SRPK1: variants seen among roughly 807,000 people sequenced by gnomAD.
SRPK1 encodes the protein SFRS protein kinase 1.
A neutral mutation model predicts 89.5 loss-of-function variants in SRPK1; 52 were observed. The observed-to-expected ratio is 0.58, with a 90% confidence interval of 0.46 to 0.73. SRPK1 has a LOEUF of 0.73. SRPK1 is among the 30% of genes least tolerant of loss of function. The pLI, the probability that SRPK1 is intolerant of heterozygous loss-of-function variation, is 0.00. For missense variants in SRPK1, 603 were observed against 780.6 expected (o/e 0.77, Z 2.71); for synonymous variants, 255 against 270.2 (o/e 0.94, Z 0.55).
intron 2 of SRPK1, among the ~76,000 whole-genome samples, chr6:35,891,839 T>C (rs942532632): frequency 1.3e-5 from 2 of 152,304 alleles, no homozygotes; most frequent in African/African-American, 2.4e-5. Flanking sequence ...ACTAAAAATA[T>C]AGTTGTTGAA....
chr6:35,842,713 C>T, intron 13 of SRPK1, 109 bp from the exon 14 acceptor site: 1 of 484,004 alleles, frequency 2.1e-6, no homozygotes, highest in Non-Finnish European at 3.4e-6. Flanking sequence ...CTTGGGAAAA[C>T]TTATAGATCA....
intron 2 of SRPK1, among the ~76,000 whole-genome samples, chr6:35,917,711 T>C (rs1771141801): frequency 6.6e-6 from 1 of 152,226 alleles, no homozygotes; most frequent in Non-Finnish European, 1.5e-5. Flanking sequence ...AAATCCCTTC[T>C]GCCTGTGACA....
intron 6 of SRPK1, among the ~76,000 whole-genome samples, chr6:35,875,745 T>C (rs1770142147): frequency 6.6e-6 from 1 of 151,994 alleles, no homozygotes; most frequent in African/African-American, 2.4e-5. Context: ...CTAAAACAAC[T>C]ATGTGAAAGA....
chr6:35,872,686 T>C lies in SRPK1; in HGVS notation c.628A>G (p.Ile210Val), dbSNP rs747320945. Residue 210 changes from isoleucine to valine, a missense_variant, in exon 8 of 16, where the codon ATC becomes GTC. By Grantham distance (29) the Ile-to-Val change is conservative. Transcript: ENST00000373825. ...TTCTCTGGTTTAATGTCAGTGTGGA[T>C]GATACGGCACTTGGTATGTAAATAA... Reference protein sequence around the residue: ...LDYLHTKCRIIHTDIKPENIL... With the variant: ...LDYLHTKCRIVHTDIKPENIL... 3.1e-6 allele frequency: 5 copies of C among 1,610,860 alleles called. No individual in the cohort carries two copies. Among genetic ancestry groups the C allele is most frequent in the Non-Finnish European group, 4.2e-6 (5 of 1,178,574 alleles).
intron 6 of SRPK1, among the ~76,000 whole-genome samples, chr6:35,878,579 A>G (rs1036490129): frequency 2.6e-5 from 4 of 152,258 alleles, no homozygotes; most frequent in Admixed American, 6.5e-5. Context: ...CCCTAATCCT[A>G]TAGCAAGCAG....
rs1003130285 is a variant in SRPK1 at position 35,890,818 on chromosome 6, C to A, written c.193+77G>T. ...AAACAGCAATAAAACTGTGTTTATG[C>A]TGATAGATCAAACATCCAAACGAGA... is the stretch of plus-strand genomic sequence containing the variant. On this transcript the variant is annotated intron_variant, in intron 3 of 15. Coordinates refer to ENST00000373825, the MANE Select transcript of SRPK1 (RefSeq NM_003137.5). The A allele has an allele frequency of 4.5e-6, 6 of 1,322,344 alleles. No individual in the cohort carries two copies. The African/African-American group carries it at 5.9e-5, about 13-fold the overall frequency. The allele number at this position is 1,322,344 out of a possible 1,614,324, so 81.9% of individuals were successfully genotyped here.
chr6:35,917,539 T>A (rs1771137758), intron 2 of SRPK1, among the ~76,000 whole-genome samples: 1 of 152,166 alleles, frequency 6.6e-6, no homozygotes, highest in Non-Finnish European at 1.5e-5. Context: ...ATAAGAAAAT[T>A]TAAAATCCCA....
chr6:35,838,843 A>C (rs750079397), intron 14 of SRPK1: 1 of 1,355,468 alleles, frequency 7.4e-7, no homozygotes, highest in Admixed American at 2.0e-5. Flanking sequence ...CAAGCTGTAA[A>C]AGAGGTTTTT....
At chr6:35,843,328 A>G in intron 13 of SRPK1, among the ~76,000 whole-genome samples, 1 of 117,066 alleles carries the variant, frequency 8.5e-6, no homozygotes, top group South Asian at 3.0e-4. Flanking sequence ...ACCAAACAAA[A>G]AAAATCAAAA....
intron 13 of SRPK1, among the ~76,000 whole-genome samples, chr6:35,854,462 T>C (rs547321804): frequency 6.6e-6 from 1 of 152,356 alleles, no homozygotes; most frequent in African/African-American, 2.4e-5. Flanking sequence ...ACATTTTGTT[T>C]TTCTATGTCG....
At chr6:35,884,128 C>T (rs545248575) in intron 6 of SRPK1, among the ~76,000 whole-genome samples, 11 of 151,742 alleles carry the variant, frequency 7.2e-5, no homozygotes, top group Non-Finnish European at 1.5e-4. Context: ...TGAGTAAGCA[C>T]ATTTAGGGCA....
chr6:35,919,233 A>G (rs1771175152), intron 2 of SRPK1, among the ~76,000 whole-genome samples: 1 of 152,238 alleles, frequency 6.6e-6, no homozygotes, highest in Admixed American at 6.5e-5. Context: ...CCAAGCACTT[A>G]CAAAATACAT....
intron 14 of SRPK1, among the ~76,000 whole-genome samples, chr6:35,840,838 C>T (rs1259727461): frequency 6.6e-6 from 1 of 151,974 alleles, no homozygotes; most frequent in Non-Finnish European, 1.5e-5. Context: ...TGATGTTTGA[C>T]CTAAGGACTA....
chr6:35,899,368 C>G (rs1318592468), intron 2 of SRPK1, among the ~76,000 whole-genome samples: 1 of 152,094 alleles, frequency 6.6e-6, no homozygotes, highest in Non-Finnish European at 1.5e-5. Context: ...CTATATGAAA[C>G]AGCAGTGTTT....
At chr6:35,909,572 A>C (rs1770918245) in intron 2 of SRPK1, among the ~76,000 whole-genome samples, 1 of 152,206 alleles carries the variant, frequency 6.6e-6, no homozygotes. Flanking sequence ...TGAGGACAAG[A>C]GATCTGGGAG....
At chr6:35,886,587 T>C in intron 6 of SRPK1, 137 bp downstream of exon 6, 1 of 662,970 alleles carries the variant, frequency 1.5e-6, no homozygotes. Flanking sequence ...AGATGTGTGT[T>C]CAGAAGTGTA....
At chr6:35,838,461 A>T (rs1343978135) in intron 14 of SRPK1, 32 bp from the exon 15 acceptor site, 2 of 1,522,370 alleles carry the variant, frequency 1.3e-6, no homozygotes, top group Non-Finnish European at 1.8e-6. Context: ...AGAGGGGGGA[A>T]AAAAAAGATC....
intron 14 of SRPK1, among the ~76,000 whole-genome samples, chr6:35,841,830 C>CA (rs749935901): frequency 0.18 from 7,864 of 44,024 alleles, 806 homozygotes; most frequent in East Asian, 0.36. Flanking sequence ...GACTCCGTCT[C>CA]AAAAAAAAAA....
At chr6:35,909,057 C>A (rs986019738) in intron 2 of SRPK1, among the ~76,000 whole-genome samples, 1 of 152,240 alleles carries the variant, frequency 6.6e-6, no homozygotes, top group Non-Finnish European at 1.5e-5. Flanking sequence ...CTGGGGCCCC[C>A]ACACAGAGTC....
Sources: gnomAD v4.1 joint callset for allele counts (sites outside exome capture counted in the v4.1 genomes callset) on GRCh38, gnomAD v4.1.1 for gene constraint, MANE v1.5 for transcripts, NCBI Gene and HGNC (gene_info 2026-07-23, HGNC 2026-07-21) for gene names.